Variants in DNAH5 observed in about 807,000 individuals in gnomAD.
DNAH5 encodes dynein axonemal heavy chain 5, also known as axonemal beta dynein heavy chain 5.
A neutral mutation model predicts 518.2 loss-of-function variants in DNAH5; 372 were observed. The ratio of observed to expected loss-of-function variants is 0.72; its 90% confidence interval spans 0.66 to 0.78. DNAH5 has a LOEUF of 0.78. DNAH5 is among the 30% of genes least tolerant of loss of function. DNAH5 has a pLI of 0.00. For missense variants in DNAH5, 5,523 were observed against 5,687.0 expected (o/e 0.97, Z 0.93); for synonymous variants, 2,039 against 2,025.9 (o/e 1.01, Z -0.17).
chr5:13,709,401 A>T (rs1026251075), intron 75 of DNAH5, among the ~76,000 whole-genome samples: 6 of 150,168 alleles, frequency 4.0e-5, no homozygotes, highest in Non-Finnish European at 8.9e-5. Flanking sequence ...TTTGTAATTT[A>T]AAAAAAAAAA....
At chr5:13,894,516 T>C (rs1773663504) in intron 16 of DNAH5, 134 bp downstream of exon 16, 4 of 955,640 alleles carry the variant, frequency 4.2e-6, no homozygotes, top group Non-Finnish European at 6.3e-6. Flanking sequence ...TTGGAACACT[T>C]CCTTATGAAA....
intron 19 of DNAH5, 85 bp downstream of exon 19, chr5:13,884,904 G>T (rs959790057): frequency 6.4e-7 from 1 of 1,555,952 alleles, no homozygotes; most frequent in African/African-American, 1.5e-5. Context: ...GTACATGCAC[G>T]TGCACACGTG....
intron 65 of DNAH5, among the ~76,000 whole-genome samples, chr5:13,747,753 C>A (rs868307325): frequency 2.0e-5 from 3 of 151,848 alleles, no homozygotes; most frequent in Admixed American, 1.3e-4. Flanking sequence ...TTGTAAATTT[C>A]TTTGAGTTCT....
intron 75 of DNAH5, among the ~76,000 whole-genome samples, 186 bp downstream of exon 75, chr5:13,714,219 T>G (rs1293154902): frequency 1.3e-5 from 2 of 152,186 alleles, no homozygotes; most frequent in African/African-American, 2.4e-5. Flanking sequence ...GTTTATATAT[T>G]GAAAAGATTA....
intron 53 of DNAH5, among the ~76,000 whole-genome samples, chr5:13,778,759 G>A (rs983018096): frequency 6.6e-6 from 1 of 152,204 alleles, no homozygotes; most frequent in African/African-American, 2.4e-5. Flanking sequence ...TCCCAAATGA[G>A]AGTCTCTTGC....
chr5:13,731,655 G>A (rs1274859147), intron 68 of DNAH5, among the ~76,000 whole-genome samples: 3 of 151,838 alleles, frequency 2.0e-5, no homozygotes, highest in Non-Finnish European at 4.4e-5. Flanking sequence ...TCAAACTCTT[G>A]CTTTGGAAAA....
rs1302498883 is a variant in DNAH5 at position 13,792,084 on chromosome 5, T to C, written c.8358A>G (p.Ala2786=). 3.7e-6 allele frequency: 6 copies of C among 1,613,986 alleles called. No homozygotes were observed. The Admixed American group carries it at 1.0e-4, about 27-fold the overall frequency. The change falls in exon 50 of 79, where the codon GCA becomes GCG. Residue 2786 remains alanine, a synonymous_variant. Transcript: ENST00000265104. ...MTKIKMLPTP[A]KFHYVFNLRD... ...GTAGGTTAAACACATAATGGAATTT[T>C]GCAGGGGTAGGAAGCATTTTAATCT...
At chr5:13,889,181 CT>C (rs1355769441) in intron 17 of DNAH5, among the ~76,000 whole-genome samples, 2 of 152,252 alleles carry the variant, frequency 1.3e-5, no homozygotes, top group East Asian at 3.9e-4. Flanking sequence ...TATTCTAAAA[CT>C]TTCTTTTAAA....
At chr5:13,815,480 A>G (rs1350364286) in intron 42 of DNAH5, among the ~76,000 whole-genome samples, 1 of 152,178 alleles carries the variant, frequency 6.6e-6, no homozygotes, top group African/African-American at 2.4e-5. Flanking sequence ...CTTCTGCAAC[A>G]TGGGGTACAG....
intron 71 of DNAH5, among the ~76,000 whole-genome samples, chr5:13,719,706 CACA>C (rs1453644161): frequency 6.6e-6 from 1 of 152,118 alleles, no homozygotes; most frequent in African/African-American, 2.4e-5. Context: ...GAATAGGTAC[CACA>C]CTGAAACCAG....
intron 1 of DNAH5, among the ~76,000 whole-genome samples, chr5:13,990,586 G>A (rs182241734): frequency 1.1e-3 from 166 of 150,262 alleles, no homozygotes; most frequent in African/African-American, 3.9e-3. Context: ...AAAAAATTGG[G>A]GCCAGGCGTG....
At chr5:13,938,519 T>C (rs952763903) in intron 1 of DNAH5, among the ~76,000 whole-genome samples, 1 of 150,908 alleles carries the variant, frequency 6.6e-6, no homozygotes, top group Non-Finnish European at 1.5e-5. Flanking sequence ...AAGTTTGTCA[T>C]AGGTATATAT....
chr5:13,763,532 C>T (rs554566537), intron 59 of DNAH5, among the ~76,000 whole-genome samples: 1 of 152,262 alleles, frequency 6.6e-6, no homozygotes, highest in African/African-American at 2.4e-5. Context: ...TTAAGAATGC[C>T]TTTCTGCATC....
chr5:13,849,032 A>G (rs1179396885), intron 31 of DNAH5, among the ~76,000 whole-genome samples: 2 of 152,140 alleles, frequency 1.3e-5, no homozygotes, highest in Non-Finnish European at 2.9e-5. Flanking sequence ...GGGGTGGACA[A>G]CCATGTACGC....
chr5:13,806,947 G>A (rs759966304), intron 47 of DNAH5, among the ~76,000 whole-genome samples: 4 of 152,112 alleles, frequency 2.6e-5, no homozygotes, highest in South Asian at 2.1e-4. Context: ...ATGTTAAGTC[G>A]GGGAACAAGA....
chr5:13,693,063 C>T (rs1164525959), intron 78 of DNAH5, among the ~76,000 whole-genome samples: 1 of 152,174 alleles, frequency 6.6e-6, no homozygotes, highest in East Asian at 1.9e-4. Context: ...CTGCACATCT[C>T]CTAACATGCA....
At chr5:13,749,059 T>C (rs1749834072) in intron 65 of DNAH5, among the ~76,000 whole-genome samples, 1 of 151,898 alleles carries the variant, frequency 6.6e-6, no homozygotes, top group Non-Finnish European at 1.5e-5. Context: ...AGGAATATGC[T>C]GGGAAGTGAA....
chr5:13,965,375 C>T (rs1196676738), intron 1 of DNAH5, among the ~76,000 whole-genome samples: 3 of 152,050 alleles, frequency 2.0e-5, no homozygotes, highest in Non-Finnish European at 4.4e-5. Flanking sequence ...TTTTTATTTA[C>T]ATGTCATAAT....
rs568387670 is a variant in DNAH5, at chr5:13,824,068, T to A, written c.6579+131A>T. The A allele has an allele frequency of 6.3e-6, 6 of 952,372 alleles. No individual in the cohort carries two copies. The Admixed American group carries it at 9.1e-5, about 14-fold the overall frequency. 59.0% of individuals were successfully genotyped at this position (952,372 alleles called of 1,614,324 possible). A position where few individuals can be genotyped will look rare whatever the true frequency, so the allele number is the denominator to read the frequency against. On this transcript the variant is annotated intron_variant, in intron 39 of 78. Coordinates refer to ENST00000265104, the MANE Select transcript of DNAH5 (RefSeq NM_001369.3). ...GAAAAAGTATAATTTAAAGTGATGC[T>A]CTCCAGCACTTTATCTGACAATTAG...
Sources: allele counts gnomAD v4.1 joint callset (sites outside exome capture counted in the v4.1 genomes callset), GRCh38; gene constraint gnomAD v4.1.1; transcripts MANE v1.5; gene names NCBI Gene and HGNC (gene_info 2026-07-23, HGNC 2026-07-21).